Variants in OR4E2 observed in about 807,000 individuals in gnomAD.
OR4E2 encodes the protein olfactory receptor family 4 subfamily E member 2, also known as olfactory receptor 4E2.
OR4E2 carries 9 observed loss-of-function variants against 11.0 expected under a neutral mutation model. The observed-to-expected ratio is 0.82, with a 90% CI of 0.49 to 1.43. The LOEUF (loss-of-function observed/expected upper bound fraction) is 1.43, where lower values mean the gene tolerates loss of function less well. OR4E2 is among the 40% of genes most tolerant of loss of function. The pLI, the probability that OR4E2 is intolerant of heterozygous loss-of-function variation, is 0.00. For missense variants in OR4E2, 441 were observed against 382.0 expected (o/e 1.15, Z -1.29); for synonymous variants, 159 against 147.3 (o/e 1.08, Z -0.57).
Position 21,665,509 on chromosome 14 carries a change from C to G in OR4E2, c.427C>G (p.Gln143Glu), listed in dbSNP as rs778339277. The part of the protein sequence containing the change: ...PNVMNMRVCI[Q>E]LVFALWLGGT... ...TGTGATGAACATGAGAGTCTGTATA[C>G]AGCTTGTCTTTGCTCTCTGGTTGGG... The change falls in exon 4 of 4, where the codon CAG becomes GAG. Residue 143 changes from glutamine (Q) to glutamate (E), a missense_variant. Physicochemically the swap from Gln to Glu is conservative, Grantham distance 29. Transcript: ENST00000641524. 6.2e-7 allele frequency: 1 copy of G among 1,614,202 alleles called. No individual in the cohort carries two copies. The highest frequency in any genetic ancestry group is 8.5e-7 in the Non-Finnish European group (1 of 1,180,042).
At chr14:21,656,025 C>T (rs1879923362) in intron 1 of OR4E2, among the ~76,000 whole-genome samples, 1 of 151,970 alleles carries the variant, frequency 6.6e-6, no homozygotes, top group South Asian at 2.1e-4. Flanking sequence ...TGCCTGTAAA[C>T]TCAGCACTTT....
chr14:21,657,442 TCCTTCCTTCCTTCCTTCCTTC>T (rs1880047394), intron 2 of OR4E2, among the ~76,000 whole-genome samples: 1 of 3,974 alleles, frequency 2.5e-4, no homozygotes, highest in African/African-American at 7.2e-4. Context: ...CTTCTTTCTT[TCCTTCCTTCCTTCCTTCCTTC>T]CTTCCTTCCT....
chr14:21,656,879 G>A (rs1879978860), intron 2 of OR4E2, among the ~76,000 whole-genome samples: 1 of 152,090 alleles, frequency 6.6e-6, no homozygotes, highest in Admixed American at 6.6e-5. Context: ...AGATGTCTGG[G>A]GTTACGACTT....
intron 1 of OR4E2, among the ~76,000 whole-genome samples, chr14:21,654,401 T>C (rs12432147): frequency 0.21 from 27,196 of 127,514 alleles, 3,090 homozygotes; most frequent in East Asian, 0.47. Context: ...CACACACGCA[T>C]GCACACACAC....
chr14:21,655,080 C>T (rs1879868738), intron 1 of OR4E2, among the ~76,000 whole-genome samples: 1 of 152,034 alleles, frequency 6.6e-6, no homozygotes, highest in South Asian at 2.1e-4. Context: ...CATAGTTTGA[C>T]CAAATAACTG....
At chr14:21,661,622 A>C (rs906178464) in intron 3 of OR4E2, among the ~76,000 whole-genome samples, 19 of 152,346 alleles carry the variant, frequency 1.2e-4, no homozygotes, top group Middle Eastern at 3.4e-3. Flanking sequence ...TGGGTATCAA[A>C]ATTTATAAAA....
At chr14:21,662,338 C>A (rs1241758158) in intron 3 of OR4E2, among the ~76,000 whole-genome samples, 1 of 151,832 alleles carries the variant, frequency 6.6e-6, no homozygotes, top group Non-Finnish European at 1.5e-5. Flanking sequence ...GCTCTGTTGC[C>A]CAGGCTTGAG....
At chr14:21,664,048 T>A (rs1331398169) in intron 3 of OR4E2, among the ~76,000 whole-genome samples, 1 of 152,252 alleles carries the variant, frequency 6.6e-6, no homozygotes, top group Non-Finnish European at 1.5e-5. Flanking sequence ...TTGTAAACAG[T>A]GCTGCAATGA....
At chr14:21,657,380 TCC>T (rs1387907276) in intron 2 of OR4E2, among the ~76,000 whole-genome samples, 70 of 147,766 alleles carry the variant, frequency 4.7e-4, no homozygotes, top group African/African-American at 1.4e-3. Context: ...CTTCCTTCCT[TCC>T]TTCCTTTCTT....
Position 21,665,555 on chromosome 14 carries a change from G to C in OR4E2, c.473G>C (p.Gly158Ala). 1 of 1,614,010 alleles carries C rather than the reference G, an allele frequency of 6.2e-7. No homozygotes were observed. Among genetic ancestry groups the C allele is most frequent in the Non-Finnish European group, 8.5e-7 (1 of 1,180,000 alleles). Residue 158 changes from glycine (G) to alanine (A), a missense_variant, in exon 4 of 4, where the codon GGG becomes GCG. Transcript: ENST00000641524. ...LWLGGTVHSL[G>A]QTFLTIRLPY... ...TTGGGGGGTACTGTTCACTCACTAG[G>C]GCAGACCTTCTTGACTATTCGTCTA...
rs997781768 is a variant in OR4E2, at chr14:21,666,632, G to C, written c.*608G>C. 6.7e-6 allele frequency: 1 copy of C among 150,042 alleles called. No homozygotes were observed. Among genetic ancestry groups the C allele is most frequent in the Admixed American group, 6.6e-5 (1 of 15,080 alleles). 9.3% of individuals were successfully genotyped at this position (150,042 alleles called of 1,614,324 possible). A position where few individuals can be genotyped will look rare whatever the true frequency, so the allele number is the denominator to read the frequency against. On this transcript the variant is annotated 3_prime_UTR_variant, in exon 4 of 4. Transcript: ENST00000641524. ...TCTGAAATTATTGTCAAAATAAAAA[G>C]TTAAAACAAAACAAAACTATACACC...
chr14:21,661,837 T>C (rs1880346590), intron 3 of OR4E2, among the ~76,000 whole-genome samples: 2 of 152,338 alleles, frequency 1.3e-5, no homozygotes, highest in South Asian at 2.1e-4. Flanking sequence ...TCTTTAAACA[T>C]GTATCTTTAG....
In OR4E2 at chr14:21,666,033, G is replaced by T; in HGVS notation, c.*9G>T. ...CGAAATCATATACATAATGGGCACTGGGATTGCAGACATAATTGCAGCCAC... is the reference window on the plus strand; with the variant it reads ...CGAAATCATATACATAATGGGCACTTGGATTGCAGACATAATTGCAGCCAC... On this transcript the variant is annotated 3_prime_UTR_variant, in exon 4 of 4. Coordinates refer to ENST00000641524, the MANE Select transcript of OR4E2 (RefSeq NM_001001912.3). 6.3e-7 allele frequency: 1 copy of T among 1,581,654 alleles called. No individual in the cohort carries two copies.
In OR4E2 at chr14:21,655,545, T is replaced by C. The variant is rs561924346; in HGVS notation, c.-190-957T>C. Among the ~76,000 whole-genome samples the C allele has an allele frequency of 9.9e-5, 15 of 152,148 alleles. No individual in the cohort carries two copies. In the South Asian group the frequency reaches 3.1e-3, roughly 32 times the overall value. On this transcript the variant is annotated intron_variant, in intron 1 of 3. Coordinates refer to ENST00000641524, the MANE Select transcript of OR4E2 (RefSeq NM_001001912.3). ...CAAACTAGCCAGGTATGGTGGCATG[T>C]GCTTGTAGTCCCAGCCACTGGGAAC...
chr14:21,665,784 G>A lies in OR4E2; in HGVS notation c.702G>A (p.Arg234=), dbSNP rs1401426366. 4.3e-6 allele frequency: 7 copies of A among 1,613,936 alleles called. No homozygotes were observed. The highest frequency in any genetic ancestry group is 1.1e-5 in the South Asian group (1 of 91,054). ...GAAAACACTCAGCTGAAGGGCGCCG[G>A]AAAGCCCTGTCTACCTGCTCGGCCC... is the stretch of plus-strand genomic sequence containing the variant. The part of the protein sequence containing the change: ...SLRKHSAEGR[R]KALSTCSAHF... The change falls in exon 4 of 4, where the codon CGG becomes CGA. Residue 234 remains arginine, a synonymous_variant. Coordinates refer to ENST00000641524, the MANE Select transcript of OR4E2 (RefSeq NM_001001912.3).
intron 1 of OR4E2, among the ~76,000 whole-genome samples, chr14:21,654,737 A>G (rs1879850036): frequency 7.0e-6 from 1 of 143,720 alleles, no homozygotes; most frequent in Admixed American, 6.9e-5. Context: ...TATACATTAT[A>G]TATATAAAAT....
In OR4E2 at chr14:21,660,704, G is replaced by A. The variant is rs976300563; in HGVS notation, c.-51G>A. 2 of 151,002 alleles carry A rather than the reference G, an allele frequency of 1.3e-5. No individual in the cohort carries two copies. The highest frequency in any genetic ancestry group is 2.4e-5 in the African/African-American group (1 of 40,962). The allele number at this position is 151,002 out of a possible 1,614,324, so 9.4% of individuals were successfully genotyped here. On this transcript the variant is annotated 5_prime_UTR_variant, in exon 3 of 4. Transcript: ENST00000641524. The stretch of plus-strand genomic sequence containing the variant: ...AGACCTTGAACTTCTGGACTTAAGC[G>A]ATAGATCCTCCACCTCAGCCTCTTG...
chr14:21,659,885 G>C (rs78857202), intron 2 of OR4E2, among the ~76,000 whole-genome samples: 1 of 151,760 alleles, frequency 6.6e-6, no homozygotes, highest in Admixed American at 6.6e-5. Flanking sequence ...ATATTAGAAG[G>C]TGATCAGTGC....
In OR4E2 at chr14:21,657,492, CTTCCTTCCTTCCTTCT is replaced by C. The variant is rs1307059575; in HGVS notation, c.-103+907_-103+922del. On this transcript the variant is annotated intron_variant, in intron 2 of 3. Coordinates refer to ENST00000641524, the MANE Select transcript of OR4E2 (RefSeq NM_001001912.3). ...CCTTCCTTCCTTCCTTCCTTCCTTC[CTTCCTTCCTTCCTTCT>C]TTCTTTGTTTTTCTTTCTTTCTTTC... 7.5e-4 allele frequency among the ~76,000 whole-genome samples: 61 copies of C among 80,884 alleles called. 2 individuals are homozygous for C. Among genetic ancestry groups the C allele is most frequent in the East Asian group, 6.7e-3 (14 of 2,082 alleles). The allele number at this position is 80,884 out of a possible 152,430, so 53.1% of individuals were successfully genotyped here.
Sources: gnomAD v4.1 joint callset for allele counts (sites outside exome capture counted in the v4.1 genomes callset) on GRCh38, gnomAD v4.1.1 for gene constraint, MANE v1.5 for transcripts, NCBI Gene and HGNC (gene_info 2026-07-23, HGNC 2026-07-21) for gene names.